The following WWOX variants were observed in gnomAD, a reference collection of about 807,000 sequenced individuals.
WWOX encodes the protein WW domain containing oxidoreductase.
A neutral mutation model predicts 46.2 loss-of-function variants in WWOX; 69 were observed. The ratio of observed to expected loss-of-function variants is 1.49; its 90% CI spans 1.23 to 1.82. The LOEUF (loss-of-function observed/expected upper bound fraction) is 1.82, where lower values mean the gene tolerates loss of function less well. Among genes scored for constraint, WWOX ranks in the 40% most tolerant of loss-of-function variants. WWOX has a pLI of 0.00. For missense variants in WWOX, 919 were observed against 542.6 expected (o/e 1.69, Z -6.89); for synonymous variants, 359 against 202.6 (o/e 1.77, Z -6.56).
chr16:78,355,737 A>T (rs2081272203), intron 5 of WWOX: 4 of 715,194 alleles, frequency 5.6e-6, no homozygotes. Context: ...GAGGAAACAT[A>T]TGAAGAGACA....
intron 8 of WWOX, among the ~76,000 whole-genome samples, chr16:79,075,617 A>T (rs1000112159): frequency 6.6e-6 from 1 of 150,576 alleles, no homozygotes; most frequent in Admixed American, 6.6e-5. Context: ...TAGTGGCATG[A>T]TCTTGGCTCA....
At chr16:78,711,836 T>A (rs1191156988) in intron 8 of WWOX, among the ~76,000 whole-genome samples, 1 of 152,146 alleles carries the variant, frequency 6.6e-6, no homozygotes, top group Non-Finnish European at 1.5e-5. Flanking sequence ...TGCACGAGTA[T>A]TGATCACAAT....
At chr16:78,778,751 A>T (rs9931387) in intron 8 of WWOX, among the ~76,000 whole-genome samples, 48,550 of 151,922 alleles carry the variant, frequency 0.32, 8,202 homozygotes, top group South Asian at 0.39. Flanking sequence ...GAAAAACTCA[A>T]ACCAAAGAGC....
At chr16:78,850,738 T>A (rs2052422180) in intron 8 of WWOX, among the ~76,000 whole-genome samples, 1 of 152,120 alleles carries the variant, frequency 6.6e-6, no homozygotes, top group Admixed American at 6.5e-5. Context: ...GACTCAGGGC[T>A]CAATTCAAAA....
chr16:78,648,099 G>C (rs939032154), intron 8 of WWOX, among the ~76,000 whole-genome samples: 1 of 152,208 alleles, frequency 6.6e-6, no homozygotes, highest in Non-Finnish European at 1.5e-5. Flanking sequence ...GATGAAGCCA[G>C]AGAGAAAATC....
chr16:78,937,951 G>T (rs1373053610), intron 8 of WWOX, among the ~76,000 whole-genome samples: 2 of 152,096 alleles, frequency 1.3e-5, no homozygotes, highest in Non-Finnish European at 2.9e-5. Flanking sequence ...ATGTGCCAAG[G>T]TCTGTGTTCA....
chr16:78,447,884 A>G (rs1016974538), intron 8 of WWOX, among the ~76,000 whole-genome samples: 7 of 152,178 alleles, frequency 4.6e-5, no homozygotes, highest in African/African-American at 1.7e-4. Flanking sequence ...GCTTTCTACA[A>G]CGTCCACCTC....
chr16:78,890,344 T>TGC (rs2044562594), intron 8 of WWOX: 1 of 152,218 alleles, frequency 6.6e-6, no homozygotes, highest in African/African-American at 2.4e-5. Flanking sequence ...ACCTCCATCA[T>TGC]TCTTAAATTT....
intron 8 of WWOX, among the ~76,000 whole-genome samples, chr16:79,030,279 A>T (rs78467745): frequency 0.011 from 1,724 of 152,336 alleles, 39 homozygotes; most frequent in African/African-American, 0.039. Context: ...TAATTACTTT[A>T]TGACTTCTTC....
chr16:78,575,506 C>T (rs1035279090), intron 8 of WWOX, among the ~76,000 whole-genome samples: 5 of 151,970 alleles, frequency 3.3e-5, no homozygotes, highest in Non-Finnish European at 5.9e-5. Context: ...AGGCACAAAT[C>T]GTCTGATTTC....
intron 8 of WWOX, among the ~76,000 whole-genome samples, chr16:78,723,788 T>C (rs945731552): frequency 1.1e-4 from 17 of 152,104 alleles, no homozygotes; most frequent in Non-Finnish European, 7.3e-5. Context: ...TGGAACTTGC[T>C]TCTTGTTCTC....
chr16:79,142,628 G>C (rs190227026), intron 8 of WWOX, among the ~76,000 whole-genome samples: 25 of 152,246 alleles, frequency 1.6e-4, no homozygotes, highest in Admixed American at 5.9e-4. Context: ...TCTCCTCTTC[G>C]AGTCAGTATA....
intron 8 of WWOX, among the ~76,000 whole-genome samples, chr16:78,810,749 G>C (rs1327962243): frequency 2.9e-4 from 44 of 152,132 alleles, no homozygotes; most frequent in Admixed American, 2.9e-3. Flanking sequence ...CCCTTCTGTA[G>C]GAATAACTCT....
intron 5 of WWOX, among the ~76,000 whole-genome samples, chr16:78,184,416 G>A (rs2035630695): frequency 6.6e-6 from 1 of 152,082 alleles, no homozygotes; most frequent in South Asian, 2.1e-4. Context: ...GGACCCCTGT[G>A]TAGAAATAAT....
chr16:78,853,752 T>C (rs1433895301), intron 8 of WWOX, among the ~76,000 whole-genome samples: 2 of 152,138 alleles, frequency 1.3e-5, no homozygotes, highest in Non-Finnish European at 2.9e-5. Flanking sequence ...CTTGTAAGCA[T>C]GTATCTACAT....
At chr16:78,647,801 C>T (rs779418638) in intron 8 of WWOX, among the ~76,000 whole-genome samples, 99 of 152,322 alleles carry the variant, frequency 6.5e-4, no homozygotes, top group Non-Finnish European at 1.1e-3. Flanking sequence ...AAGCCACAAA[C>T]GTGTTAGCTA....
intron 8 of WWOX, among the ~76,000 whole-genome samples, chr16:78,682,057 C>G (rs1369416682): frequency 3.3e-5 from 5 of 152,186 alleles, no homozygotes; most frequent in Non-Finnish European, 5.9e-5. Context: ...CTCCAAATGA[C>G]TGTGACGACT....
chr16:78,475,594 T>A (rs1013210852), intron 8 of WWOX, among the ~76,000 whole-genome samples: 1 of 152,170 alleles, frequency 6.6e-6, no homozygotes, highest in Non-Finnish European at 1.5e-5. Context: ...TTTTAGTTTA[T>A]ATTTTTATTT....
chr16:78,429,780 G>A lies in WWOX; in HGVS notation c.792-2708G>A, dbSNP rs191573420. Among the ~76,000 whole-genome samples the A allele has an allele frequency of 1.8e-3, 279 of 152,240 alleles. 1 individual carries two copies. Among genetic ancestry groups the A allele is most frequent in the African/African-American group, 6.3e-3 (263 of 41,550 alleles). Reference sequence around the variant, plus strand: ...ACATGCACAAATATATTTTCAATTCGATATGATAGCTTTACTGTAATGAAA... The same window carrying A: ...ACATGCACAAATATATTTTCAATTCAATATGATAGCTTTACTGTAATGAAA... On this transcript the variant is annotated intron_variant, in intron 7 of 8. Coordinates refer to ENST00000566780, the MANE Select transcript of WWOX (RefSeq NM_016373.4).
Sources: allele counts gnomAD v4.1 joint callset (sites outside exome capture counted in the v4.1 genomes callset), GRCh38; gene constraint gnomAD v4.1.1; transcripts MANE v1.5; gene names NCBI Gene and HGNC (gene_info 2026-07-23, HGNC 2026-07-21).